BTRC: variants seen among roughly 807,000 people sequenced by gnomAD.
BTRC encodes beta-transducin repeat containing E3 ubiquitin protein ligase.
In BTRC, 42 loss-of-function variants were observed where a neutral mutation model predicts 85.5. That is an observed-to-expected ratio of 0.49 (90% CI 0.38 to 0.64). The LOEUF is 0.64. Among genes scored for constraint, BTRC ranks in the 30% least tolerant of loss-of-function variants. The probability of loss-of-function intolerance (pLI) is 0.00; values close to 1 mark genes in which losing one functional copy is unlikely to be tolerated. For synonymous variants in BTRC, 255 were observed against 263.3 expected, an observed-to-expected ratio of 0.97 and a Z score of 0.30; for missense variants, 594 against 743.5, an observed-to-expected ratio of 0.80 and a Z score of 2.34.
At chr10:101,483,592 C>CAA (rs34105451) in intron 4 of BTRC, among the ~76,000 whole-genome samples, 1 of 144,494 alleles carries the variant, frequency 6.9e-6, no homozygotes, top group Admixed American at 6.9e-5. Flanking sequence ...GACTCAGTCT[C>CAA]AAAAAAAAAA....
chr10:101,359,824 T>G (rs891483573), intron 1 of BTRC, among the ~76,000 whole-genome samples: 2 of 152,136 alleles, frequency 1.3e-5, no homozygotes, highest in African/African-American at 4.8e-5. Flanking sequence ...GGTCTCGAAC[T>G]CCCAACCTCA....
rs962032483 is a variant in BTRC, at chr10:101,532,977, G to A, written c.1004G>A (p.Cys335Tyr). Residue 335 changes from cysteine (C) to tyrosine (Y), a missense_variant, in exon 9 of 15, where the codon TGC becomes TAC. This residue lies in a region of BTRC where 373 missense variants were observed against 503.6 expected (regional missense o/e 0.74). Coordinates refer to ENST00000370187, the MANE Select transcript of BTRC (RefSeq NM_033637.4). ...IKIWDKNTLECKRILTGHTGS... is the reference protein window; with the variant it reads ...IKIWDKNTLEYKRILTGHTGS... ...ATCTGGGATAAAAACACATTGGAAT[G>A]CAAGCGAATTCTCACAGGCCATACA... 1 of 1,612,828 alleles carries A rather than the reference G, an allele frequency of 6.2e-7. No homozygotes were observed. Among genetic ancestry groups the A allele is most frequent in the Non-Finnish European group, 8.5e-7 (1 of 1,179,226 alleles).
Position 101,549,713 on chromosome 10 carries a change from C to CAAAAAAAAAAAAAAAAAAAAAAAAAAA in BTRC, c.1657-963_1657-962insAAAAAAAAAAAAAAAAAAAAAAAAAAA, listed in dbSNP as rs755481178. 3.3e-4 allele frequency among the ~76,000 whole-genome samples: 14 copies of CAAAAAAAAAAAAAAAAAAAAAAAAAAA among 42,764 alleles called. 2 individuals carry two copies. Among genetic ancestry groups the CAAAAAAAAAAAAAAAAAAAAAAAAAAA allele is most frequent in the East Asian group, 1.3e-3 (1 of 792 alleles). 28.1% of individuals were successfully genotyped at this position (42,764 alleles called of 152,430 possible). Reference sequence around the variant, plus strand: ...GGGGCGAAAGAGCGAGACTCTGTCTCAAAAAAAAAAAAAAAAAAAAAAAGA... The same window carrying CAAAAAAAAAAAAAAAAAAAAAAAAAAA: ...GGGGCGAAAGAGCGAGACTCTGTCTCAAAAAAAAAAAAAAAAAAAAAAAAAAAAAAAAAAAAAAAAAAAAAAAAAAGA... On this transcript the variant is annotated intron_variant, in intron 13 of 14. Coordinates refer to ENST00000370187, the MANE Select transcript of BTRC (RefSeq NM_033637.4).
chr10:101,523,300 C>A (rs1379609659), intron 5 of BTRC, among the ~76,000 whole-genome samples: 1 of 152,016 alleles, frequency 6.6e-6, no homozygotes, highest in Non-Finnish European at 1.5e-5. Flanking sequence ...ATCTCATAAG[C>A]CTTGTTGTGG....
chr10:101,378,241 T>C (rs1000418253), intron 1 of BTRC, among the ~76,000 whole-genome samples: 1 of 152,184 alleles, frequency 6.6e-6, no homozygotes, highest in African/African-American at 2.4e-5. Flanking sequence ...ACTTAAATGA[T>C]TGCTAATTAA....
Position 101,556,719 on chromosome 10 carries a change from C to T in BTRC, c.*3596C>T, listed in dbSNP as rs2062728221. ...AGAAATCAAAAGAGCATGATGATGG[C>T]TGCCTGGTTTCAGGTGGAACTTAAT... On this transcript the variant is annotated 3_prime_UTR_variant, in exon 15 of 15. Coordinates refer to ENST00000370187, the MANE Select transcript of BTRC (RefSeq NM_033637.4). The T allele has an allele frequency of 6.6e-6, 1 of 152,240 alleles. No individual in the cohort carries two copies. Among genetic ancestry groups the T allele is most frequent in the African/African-American group, 2.4e-5 (1 of 41,454 alleles). The allele number at this position is 152,240 out of a possible 1,614,324, so 9.4% of individuals were successfully genotyped here.
At chr10:101,371,100 A>G (rs1942621993) in intron 1 of BTRC, among the ~76,000 whole-genome samples, 1 of 152,144 alleles carries the variant, frequency 6.6e-6, no homozygotes, top group Non-Finnish European at 1.5e-5. Flanking sequence ...GCAAAACTGA[A>G]ACTCTATACC....
intron 4 of BTRC, among the ~76,000 whole-genome samples, chr10:101,498,207 G>A (rs1426145495): frequency 1.3e-5 from 2 of 152,046 alleles, no homozygotes; most frequent in Non-Finnish European, 2.9e-5. Context: ...AGGCTGGAGT[G>A]CGGTGGCGTG....
chr10:101,461,887 C>A, intron 2 of BTRC, 94 bp from the exon 3 acceptor site: 3 of 900,454 alleles, frequency 3.3e-6, no homozygotes, highest in Non-Finnish European at 5.2e-6. Flanking sequence ...TATGTATGTT[C>A]TAACTTACAG....
chr10:101,431,223 C>T (rs1260251861), intron 2 of BTRC, among the ~76,000 whole-genome samples: 1 of 151,756 alleles, frequency 6.6e-6, no homozygotes, highest in Non-Finnish European at 1.5e-5. Flanking sequence ...ATTACAGTTA[C>T]GCGCCACCAC....
chr10:101,502,682 A>G (rs1364325378), intron 4 of BTRC, among the ~76,000 whole-genome samples: 2 of 152,158 alleles, frequency 1.3e-5, no homozygotes, highest in African/African-American at 4.8e-5. Context: ...TGTTTACACC[A>G]CAAGACATTT....
chr10:101,505,153 A>ATATG (rs1288903876), intron 4 of BTRC, among the ~76,000 whole-genome samples: 66 of 109,372 alleles, frequency 6.0e-4, no homozygotes, highest in Non-Finnish European at 1.2e-3. Context: ...ATATATATGT[A>ATATG]TATGTATATA....
rs1421717810 is a variant in BTRC at position 101,366,814 on chromosome 10, A to ATATATATATTTATG, written c.48+12591_48+12592insATATTTATGTATAT. Reference sequence around the variant, plus strand: ...TTTTTACATTTATATATATATTTATATATATTAATATATATTTATATATAT... The same window carrying ATATATATATTTATG: ...TTTTTACATTTATATATATATTTATATATATATATTTATGTATATTAATATATATTTATATATAT... On this transcript the variant is annotated intron_variant, in intron 1 of 14. Coordinates refer to ENST00000370187, the MANE Select transcript of BTRC (RefSeq NM_033637.4). Among the ~76,000 whole-genome samples, 3 of 48,282 alleles carry ATATATATATTTATG rather than the reference A, an allele frequency of 6.2e-5. 1 individual carries two copies. Among genetic ancestry groups the ATATATATATTTATG allele is most frequent in the African/African-American group, 3.5e-4 (3 of 8,644 alleles). 31.7% of individuals were successfully genotyped at this position (48,282 alleles called of 152,430 possible).
intron 1 of BTRC, among the ~76,000 whole-genome samples, chr10:101,411,890 G>GT (rs1349834976): frequency 1.3e-5 from 2 of 152,146 alleles, no homozygotes; most frequent in African/African-American, 2.4e-5. Flanking sequence ...GTGCTCTTAA[G>GT]TTTTTTGCAG....
At chr10:101,354,334 C>A (rs1172353288) in intron 1 of BTRC, 106 bp downstream of exon 1, 2 of 1,277,934 alleles carry the variant, frequency 1.6e-6, no homozygotes, top group Non-Finnish European at 2.1e-6. Flanking sequence ...GACCCTGGGC[C>A]GAGGCTGGCG....
rs1162977073 is a variant in BTRC, at chr10:101,555,143, G to A, written c.*2020G>A. Reference sequence around the variant, plus strand: ...TTGACTATTAATGGCTTTTTGATTGGGTAAGGATTTTGCTATAGATGAAGG... The same window carrying A: ...TTGACTATTAATGGCTTTTTGATTGAGTAAGGATTTTGCTATAGATGAAGG... On this transcript the variant is annotated 3_prime_UTR_variant, in exon 15 of 15. Coordinates refer to ENST00000370187, the MANE Select transcript of BTRC (RefSeq NM_033637.4). The A allele has an allele frequency of 6.6e-6, 1 of 152,560 alleles. No individual in the cohort carries two copies. Among genetic ancestry groups the A allele is most frequent in the Non-Finnish European group, 1.5e-5 (1 of 68,014 alleles). 9.5% of individuals were successfully genotyped at this position (152,560 alleles called of 1,614,324 possible). A position where few individuals can be genotyped will look rare whatever the true frequency, so the allele number is the denominator to read the frequency against.
At chr10:101,417,599 C>T (rs1383338294) in intron 1 of BTRC, among the ~76,000 whole-genome samples, 2 of 152,064 alleles carry the variant, frequency 1.3e-5, no homozygotes, top group Non-Finnish European at 2.9e-5. Flanking sequence ...CCAATTAAAA[C>T]GAAGTAGTAT....
chr10:101,401,837 CAAAAAAA>C (rs766212284), intron 1 of BTRC, among the ~76,000 whole-genome samples: 10 of 52,200 alleles, frequency 1.9e-4, no homozygotes, highest in South Asian at 6.4e-4. Context: ...GACCTCATCT[CAAAAAAA>C]AAAAAAAAAA....
At chr10:101,403,423 T>C (rs1943537301) in intron 1 of BTRC, among the ~76,000 whole-genome samples, 1 of 152,248 alleles carries the variant, frequency 6.6e-6, no homozygotes, top group Non-Finnish European at 1.5e-5. Context: ...TATTCCTTTT[T>C]CTGTGTTGCT....
Sources: gnomAD v4.1 joint callset for allele counts (sites outside exome capture counted in the v4.1 genomes callset) on GRCh38, gnomAD v4.1.1 for gene constraint, gnomAD v4.1.1 regional missense constraint, MANE v1.5 for transcripts, NCBI Gene and HGNC (gene_info 2026-07-23, HGNC 2026-07-21) for gene names.